NBEA: variants seen among roughly 807,000 people sequenced by gnomAD.
The protein encoded by NBEA is lysosomal-trafficking regulator 2.
Under a neutral mutation model 343.4 loss-of-function variants are expected in NBEA, and 44 were observed. The ratio of observed to expected loss-of-function variants is 0.13; its 90% CI spans 0.10 to 0.16. The LOEUF (loss-of-function observed/expected upper bound fraction) is 0.16, where lower values mean the gene tolerates loss of function less well. NBEA is among the 10% of genes least tolerant of loss of function. The probability of loss-of-function intolerance (pLI) is 1.00; values close to 1 mark genes in which losing one functional copy is unlikely to be tolerated. For missense variants in NBEA, 2,555 were observed against 3,631.3 expected (o/e 0.70, Z 7.62); for synonymous variants, 1,175 against 1,238.7 (o/e 0.95, Z 1.08).
chr13:35,258,229 G>A (rs1352615490), intron 34 of NBEA, among the ~76,000 whole-genome samples: 1 of 150,378 alleles, frequency 6.6e-6, no homozygotes, highest in African/African-American at 2.4e-5. Flanking sequence ...GTGCAGTGGC[G>A]CGATCTCCAC....
At chr13:34,961,573 A>G (rs2059662964) in intron 1 of NBEA, among the ~76,000 whole-genome samples, 1 of 152,020 alleles carries the variant, frequency 6.6e-6, no homozygotes, top group Non-Finnish European at 1.5e-5. Flanking sequence ...TATCCATTTT[A>G]TCCCACAAAC....
intron 34 of NBEA, among the ~76,000 whole-genome samples, chr13:35,259,217 T>A (rs966897901): frequency 3.3e-5 from 5 of 152,210 alleles, no homozygotes; most frequent in Non-Finnish European, 5.9e-5. Context: ...AAATTTCATT[T>A]TATTTTTAGC....
chr13:35,195,960 C>A lies in NBEA; in HGVS notation c.5024C>A (p.Ser1675Ter). The A allele has an allele frequency of 6.2e-7, 1 of 1,613,514 alleles. No individual in the cohort carries two copies. The highest frequency in any genetic ancestry group is 8.5e-7 in the Non-Finnish European group (1 of 1,179,658). Reference protein sequence around the residue: ...QVESSIPHTDSGIGEEQVASI... With the variant: ...QVESSIPHTD ...GAAAGTTCAATTCCCCATACAGATTCAGGAATTGGAGAGGAGCAAGTGGCT... is the reference window on the plus strand; with the variant it reads ...GAAAGTTCAATTCCCCATACAGATTAAGGAATTGGAGAGGAGCAAGTGGCT... The change falls in exon 31 of 59, where the codon TCA becomes TAA. Residue 1675 changes from serine (S) to a stop codon, truncating the protein, a stop_gained. Transcript: ENST00000379939. LOFTEE classifies it high-confidence loss of function.
At position 35,196,253 on chromosome 13, in the gene NBEA, A is replaced by G; in HGVS notation, c.5317A>G (p.Lys1773Glu). 1 of 1,613,564 alleles carries G rather than the reference A, an allele frequency of 6.2e-7. No individual in the cohort carries two copies. The highest frequency in any genetic ancestry group is 8.5e-7 in the Non-Finnish European group (1 of 1,179,670). ...EPIPYPDPAL[K>E]RETQAILPMQ... The stretch of plus-strand genomic sequence containing the variant: ...TATCCCATACCCAGATCCAGCATTG[A>G]AGAGAGAAACACAAGCTATTCTTCC... Residue 1773 changes from lysine to glutamate, a missense_variant, in exon 31 of 59, where the codon AAG (lysine) becomes GAG (glutamate). Around this residue, in one of 21 missense-constraint regions of NBEA, gnomAD observed 270 missense variants for 293.3 expected, o/e 0.92. Transcript: ENST00000379939.
At chr13:35,006,060 A>G (rs778927561) in intron 1 of NBEA, among the ~76,000 whole-genome samples, 5 of 152,174 alleles carry the variant, frequency 3.3e-5, no homozygotes, top group Non-Finnish European at 5.9e-5. Context: ...GTATATATCT[A>G]TCTGTCCAGT....
intron 10 of NBEA, among the ~76,000 whole-genome samples, chr13:35,092,014 A>G (rs2065107653): frequency 6.6e-6 from 1 of 152,052 alleles, no homozygotes; most frequent in Non-Finnish European, 1.5e-5. Context: ...TACTTAACTG[A>G]CTTTAAGACT....
At chr13:34,975,576 A>G (rs1395655593) in intron 1 of NBEA, among the ~76,000 whole-genome samples, 1 of 152,156 alleles carries the variant, frequency 6.6e-6, no homozygotes, top group Non-Finnish European at 1.5e-5. Context: ...AACCAAGACA[A>G]ATAGATGGGA....
intron 10 of NBEA, among the ~76,000 whole-genome samples, chr13:35,083,353 A>C (rs2152609355): frequency 6.6e-6 from 1 of 151,918 alleles, no homozygotes; most frequent in African/African-American, 2.4e-5. Flanking sequence ...AGGTAGCGTG[A>C]TGCCTCCAGG....
chr13:35,230,063 A>G (rs1246377512), intron 33 of NBEA, among the ~76,000 whole-genome samples: 1 of 152,112 alleles, frequency 6.6e-6, no homozygotes, highest in African/African-American at 2.4e-5. Flanking sequence ...TTCTCATTGC[A>G]GGATGATACG....
At position 35,606,498 on chromosome 13, in the gene NBEA, G is replaced by A. The variant is rs757792682; in HGVS notation, c.7369G>A (p.Glu2457Lys). 7 of 1,605,246 alleles carry A rather than the reference G, an allele frequency of 4.4e-6. No homozygotes were observed. Among genetic ancestry groups the A allele is most frequent in the Non-Finnish European group, 5.1e-6 (6 of 1,174,678 alleles). ...NSNGYNLGVREDEVVVNDVDL... is the reference protein window; with the variant it reads ...NSNGYNLGVRKDEVVVNDVDL... ...TAATGGATATAATCTTGGAGTCAGA[G>A]AAGATGAAGTAGTGGTAAATGATGT... The change falls in exon 48 of 59, where the codon GAA becomes AAA. Residue 2457 changes from glutamate (E) to lysine (K), a missense_variant. Around this residue, in one of 21 missense-constraint regions of NBEA, gnomAD observed 156 missense variants for 185.8 expected, o/e 0.84. Coordinates refer to ENST00000379939, the MANE Select transcript of NBEA (RefSeq NM_001385012.1).
intron 38 of NBEA, among the ~76,000 whole-genome samples, chr13:35,389,636 T>C (rs2042403393): frequency 6.6e-6 from 1 of 152,150 alleles, no homozygotes; most frequent in Admixed American, 6.5e-5. Context: ...ACTGTGAGTT[T>C]GATGGAAAAC....
Position 35,420,336 on chromosome 13 carries a change from G to A in NBEA, c.6180-11933G>A, listed in dbSNP as rs1417863062. Among the ~76,000 whole-genome samples, 6 of 151,918 alleles carry A rather than the reference G, an allele frequency of 3.9e-5. No homozygotes were observed. In the East Asian group the frequency reaches 5.8e-4, roughly 15 times the overall value. ...CTGAACTTTTCTAAAATTGTGAATC[G>A]TTGCTAAATTTTGTCAAATATCTTT... On this transcript the variant is annotated intron_variant, in intron 38 of 58. Transcript: ENST00000379939.
At position 35,109,456 on chromosome 13, in the gene NBEA, A is replaced by T; in HGVS notation, c.1833+14A>T. The T allele has an allele frequency of 6.3e-7, 1 of 1,584,290 alleles. No individual in the cohort carries two copies. Among genetic ancestry groups the T allele is most frequent in the African/African-American group, 1.4e-5 (1 of 73,602 alleles). ...ACACCTGCAAAGGTATGAATTTTAT[A>T]CTTATTCAGTTTGATTTAGTGTAAT... On this transcript the variant is annotated intron_variant, in intron 12 of 58. Coordinates refer to ENST00000379939, the MANE Select transcript of NBEA (RefSeq NM_001385012.1).
chr13:35,620,698 A>C (rs2082947215), intron 48 of NBEA, among the ~76,000 whole-genome samples: 1 of 152,222 alleles, frequency 6.6e-6, no homozygotes, highest in Non-Finnish European at 1.5e-5. Context: ...GGGTAGAATC[A>C]GGGAGATCTG....
chr13:35,470,845 G>C (rs762865451), intron 40 of NBEA, among the ~76,000 whole-genome samples: 2 of 152,192 alleles, frequency 1.3e-5, no homozygotes, highest in African/African-American at 4.8e-5. Flanking sequence ...ACTTGTAATC[G>C]TACAAGAGAT....
intron 40 of NBEA, among the ~76,000 whole-genome samples, chr13:35,471,808 G>A (rs1156252863): frequency 6.6e-6 from 1 of 152,122 alleles, no homozygotes; most frequent in Non-Finnish European, 1.5e-5. Flanking sequence ...TCTTTTCTAC[G>A]TAAGAACTTT....
At chr13:35,614,235 T>C (rs1484802149) in intron 48 of NBEA, among the ~76,000 whole-genome samples, 1 of 152,198 alleles carries the variant, frequency 6.6e-6, no homozygotes, top group Non-Finnish European at 1.5e-5. Context: ...CCTTGTATTA[T>C]GGTTATCTTT....
intron 41 of NBEA, among the ~76,000 whole-genome samples, chr13:35,535,134 A>G (rs1159982748): frequency 6.6e-6 from 1 of 152,102 alleles, no homozygotes; most frequent in Non-Finnish European, 1.5e-5. Flanking sequence ...AAAGGTACTC[A>G]TTTGCCAGCA....
chr13:35,160,948 G>T (rs1045716004), intron 22 of NBEA, among the ~76,000 whole-genome samples: 30 of 152,250 alleles, frequency 2.0e-4, no homozygotes, highest in African/African-American at 7.0e-4. Flanking sequence ...CATTGAATGT[G>T]TTTCCATTAG....
Sources: gnomAD v4.1 joint callset for allele counts (sites outside exome capture counted in the v4.1 genomes callset) on GRCh38, gnomAD v4.1.1 for gene constraint, gnomAD v4.1.1 regional missense constraint, MANE v1.5 for transcripts, NCBI Gene and HGNC (gene_info 2026-07-23, HGNC 2026-07-21) for gene names.